The following NEGR1 variants were observed in gnomAD, a reference collection of about 807,000 sequenced individuals.
NEGR1 encodes the protein IgLON family member 4.
NEGR1 carries 10 observed loss-of-function variants against 40.9 expected under a neutral mutation model. The ratio of observed to expected loss-of-function variants is 0.24; its 90% CI spans 0.15 to 0.42. NEGR1 has a LOEUF of 0.42. NEGR1 is among the 10% of genes least tolerant of loss of function. The pLI is 1.00. For missense variants in NEGR1, 352 were observed against 438.9 expected, an observed-to-expected ratio of 0.80 and a Z score of 1.77; for synonymous variants, 185 against 166.8, an observed-to-expected ratio of 1.11 and a Z score of -0.84.
At chr1:72,232,642 T>C (rs892758157) in intron 1 of NEGR1, among the ~76,000 whole-genome samples, 6 of 152,132 alleles carry the variant, frequency 3.9e-5, no homozygotes, top group African/African-American at 1.4e-4. Context: ...TTTAATTGTA[T>C]CATAGGGCCC....
intron 6 of NEGR1, among the ~76,000 whole-genome samples, chr1:71,511,455 T>A (rs1647072719): frequency 6.6e-6 from 1 of 152,230 alleles, no homozygotes; most frequent in African/African-American, 2.4e-5. Flanking sequence ...TTCCCTTCTG[T>A]CTTCTAAAGC....
intron 1 of NEGR1, among the ~76,000 whole-genome samples, chr1:72,059,046 T>A (rs989711461): frequency 6.6e-6 from 1 of 151,710 alleles, no homozygotes; most frequent in African/African-American, 2.4e-5. Context: ...GAACCTTGTC[T>A]TTCAGATTGG....
At position 71,871,570 on chromosome 1, in the gene NEGR1, A is replaced by G. The variant is rs988830524; in HGVS notation, c.409+63509T>C. ...GCCCTGTCAGTTGCATACATCCTAT[A>G]CACCTTGTACATTTGTTGTTACTCA... On this transcript the variant is annotated intron_variant, in intron 2 of 6. Coordinates refer to ENST00000357731, the MANE Select transcript of NEGR1 (RefSeq NM_173808.3). Among the ~76,000 whole-genome samples, 7 of 152,170 alleles carry G rather than the reference A, an allele frequency of 4.6e-5. 1 individual carries two copies. Among genetic ancestry groups the G allele is most frequent in the African/African-American group, 1.2e-4 (5 of 41,450 alleles).
In NEGR1 at chr1:71,827,185, T is replaced by C. The variant is rs71651490; in HGVS notation, c.410-50888A>G. Among the ~76,000 whole-genome samples the C allele has an allele frequency of 5.9e-3, 898 of 151,530 alleles. 8 individuals carry two copies. The highest frequency in any genetic ancestry group is 9.8e-3 in the Non-Finnish European group (664 of 67,774). ...AAAAGGAGCTTTTTTTTCTATTCTA[T>C]TGTGTTCTGTTTTATGAAAAAAAAA... On this transcript the variant is annotated intron_variant, in intron 2 of 6. Coordinates refer to ENST00000357731, the MANE Select transcript of NEGR1 (RefSeq NM_173808.3).
intron 6 of NEGR1, among the ~76,000 whole-genome samples, chr1:71,541,313 C>G (rs1647697060): frequency 6.6e-6 from 1 of 151,568 alleles, no homozygotes; most frequent in Non-Finnish European, 1.5e-5. Flanking sequence ...GACCTGGGTC[C>G]ACAATTTCTG....
chr1:71,791,312 A>T (rs1363642057), intron 2 of NEGR1, among the ~76,000 whole-genome samples: 2 of 152,062 alleles, frequency 1.3e-5, no homozygotes, highest in African/African-American at 2.4e-5. Flanking sequence ...TCAATATTTT[A>T]TTACATTTTA....
At chr1:72,200,649 TAGAAA>T (rs751116535) in intron 1 of NEGR1, among the ~76,000 whole-genome samples, 26 of 151,912 alleles carry the variant, frequency 1.7e-4, no homozygotes, top group East Asian at 3.9e-4. Context: ...AAAGTAAAAG[TAGAAA>T]AGAAAAGAAA....
At chr1:72,127,830 A>C (rs988214128) in intron 1 of NEGR1, among the ~76,000 whole-genome samples, 25 of 152,216 alleles carry the variant, frequency 1.6e-4, no homozygotes, top group Non-Finnish European at 3.7e-4. Context: ...CTATTTGTTC[A>C]TAATCTTTTG....
At chr1:72,149,647 C>T (rs1651042149) in intron 1 of NEGR1, among the ~76,000 whole-genome samples, 1 of 151,804 alleles carries the variant, frequency 6.6e-6, no homozygotes, top group South Asian at 2.1e-4. Flanking sequence ...CTTTGGGAGG[C>T]TGAGGTGGGC....
intron 6 of NEGR1, among the ~76,000 whole-genome samples, chr1:71,512,148 T>G (rs1301526210): frequency 1.3e-5 from 2 of 152,196 alleles, no homozygotes; most frequent in Non-Finnish European, 2.9e-5. Context: ...CAACTTTCTT[T>G]CTTTCTGTAG....
At chr1:72,196,762 T>TA (rs540342065) in intron 1 of NEGR1, among the ~76,000 whole-genome samples, 42,244 of 136,450 alleles carry the variant, frequency 0.31, 6,603 homozygotes, top group African/African-American at 0.43. Context: ...GAGACTCCAT[T>TA]AAAAAAAAAA....
chr1:72,236,924 A>G (rs530141042), intron 1 of NEGR1, among the ~76,000 whole-genome samples: 1 of 152,106 alleles, frequency 6.6e-6, no homozygotes, highest in South Asian at 2.1e-4. Flanking sequence ...CGTTAATTCC[A>G]TTTTGTATTA....
At chr1:72,076,277 A>G (rs530112775) in intron 1 of NEGR1, among the ~76,000 whole-genome samples, 2 of 152,076 alleles carry the variant, frequency 1.3e-5, no homozygotes, top group Admixed American at 1.3e-4. Context: ...TATAAAAGAG[A>G]CCCTGGAGAG....
At chr1:71,580,792 A>T (rs1221965932) in intron 6 of NEGR1, among the ~76,000 whole-genome samples, 1 of 152,138 alleles carries the variant, frequency 6.6e-6, no homozygotes, top group Non-Finnish European at 1.5e-5. Context: ...TTACAGATGG[A>T]CTAATTGAAG....
At chr1:71,775,081 A>T (rs1380670227) in intron 3 of NEGR1, among the ~76,000 whole-genome samples, 1 of 152,200 alleles carries the variant, frequency 6.6e-6, no homozygotes, top group East Asian at 1.9e-4. Context: ...CTGCAGTTTG[A>T]AATCAGACCC....
At chr1:72,203,774 T>G (rs770894541) in intron 1 of NEGR1, among the ~76,000 whole-genome samples, 5 of 152,070 alleles carry the variant, frequency 3.3e-5, no homozygotes, top group Non-Finnish European at 5.9e-5. Flanking sequence ...ATTTCTATAT[T>G]AAGTAACCAC....
intron 2 of NEGR1, among the ~76,000 whole-genome samples, chr1:71,786,879 A>C (rs1252590679): frequency 6.6e-6 from 1 of 152,194 alleles, no homozygotes; most frequent in Non-Finnish European, 1.5e-5. Flanking sequence ...CAAAGCAAAA[A>C]ATATTTGTTT....
intron 1 of NEGR1, among the ~76,000 whole-genome samples, chr1:71,973,412 C>T (rs755103596): frequency 6.6e-6 from 1 of 151,694 alleles, no homozygotes; most frequent in Admixed American, 6.6e-5. Context: ...TTTTGTCCTC[C>T]AGGCTGTGAG....
intron 1 of NEGR1, among the ~76,000 whole-genome samples, chr1:72,235,575 C>A (rs1484920808): frequency 6.6e-6 from 1 of 151,364 alleles, no homozygotes; most frequent in African/African-American, 2.4e-5. Context: ...TAAGAAGAAA[C>A]AAAAATGAGT....
Sources: allele counts gnomAD v4.1 joint callset (sites outside exome capture counted in the v4.1 genomes callset), GRCh38; gene constraint gnomAD v4.1.1; transcripts MANE v1.5; gene names NCBI Gene and HGNC (gene_info 2026-07-23, HGNC 2026-07-21).